Variants in TBK1 observed in about 807,000 individuals in gnomAD.
TBK1 encodes the protein TANK binding kinase 1.
In TBK1, 37 loss-of-function variants were observed where a neutral mutation model predicts 99.9. The observed-to-expected ratio is 0.37, with a 90% CI of 0.28 to 0.49. The LOEUF (loss-of-function observed/expected upper bound fraction) is 0.49, where lower values mean the gene tolerates loss of function less well. Among genes scored for constraint, TBK1 ranks in the 20% least tolerant of loss-of-function variants. The probability of loss-of-function intolerance (pLI) is 0.98; values close to 1 mark genes in which losing one functional copy is unlikely to be tolerated. For synonymous variants in TBK1, 258 were observed against 279.8 expected (o/e 0.92, Z 0.78); for missense variants, 644 against 872.5 (o/e 0.74, Z 3.30).
rs71092971 is a variant in TBK1, at chr12:64,484,010, TACAC to T, written c.993-257_993-254del. ...CAACAGAGCGAAACTCTGTCTCACATACACACACACACACACACACACACACACA... is the reference window on the plus strand; with the variant it reads ...CAACAGAGCGAAACTCTGTCTCACATACACACACACACACACACACACACA... On this transcript the variant is annotated intron_variant, in intron 8 of 20. Coordinates refer to ENST00000331710, the MANE Select transcript of TBK1 (RefSeq NM_013254.4). The T allele has an allele frequency of 0.028, 4,366 of 155,122 alleles. 165 individuals carry two copies. Among genetic ancestry groups the T allele is most frequent in the African/African-American group, 0.096 (3,706 of 38,638 alleles). The allele number at this position is 155,122 out of a possible 1,614,324, so 9.6% of individuals were successfully genotyped here. A position where few individuals can be genotyped will look rare whatever the true frequency, so the allele number is the denominator to read the frequency against.
Position 64,501,411 on chromosome 12 carries a change from C to T in TBK1, c.*30C>T, listed in dbSNP as rs1419934044. 26 of 1,608,978 alleles carry T rather than the reference C, an allele frequency of 1.6e-5. No homozygotes were observed. In the East Asian group the frequency reaches 1.8e-4, roughly 11 times the overall value. ...CTAATAGAAGTTTAAGAAAAGTTTC[C>T]GTTTGCACAAGAAAATAACGCTTGG... On this transcript the variant is annotated 3_prime_UTR_variant, in exon 21 of 21. Transcript: ENST00000331710.
At chr12:64,454,991 CTTTTTTTTTTTTTT>C in intron 1 of TBK1, among the ~76,000 whole-genome samples, 1 of 107,544 alleles carries the variant, frequency 9.3e-6, no homozygotes, top group East Asian at 2.7e-4. Context: ...TTTTTTTTTT[CTTTTTTTTTTTTTT>C]GCGATGGAGT....
At chr12:64,482,665 G>C (rs1018514590) in intron 8 of TBK1, among the ~76,000 whole-genome samples, 1 of 152,152 alleles carries the variant, frequency 6.6e-6, no homozygotes, top group Non-Finnish European at 1.5e-5. Flanking sequence ...GACATGTTCA[G>C]ATATACAAAT....
chr12:64,456,105 T>A, intron 2 of TBK1, 148 bp downstream of exon 2: 1 of 649,332 alleles, frequency 1.5e-6, no homozygotes, highest in Non-Finnish European at 2.6e-6. Flanking sequence ...ATTTAAGGCA[T>A]AGCTGTGTCA....
intron 11 of TBK1, among the ~76,000 whole-genome samples, chr12:64,486,506 A>G (rs1302888555): frequency 1.3e-5 from 2 of 151,454 alleles, no homozygotes; most frequent in Non-Finnish European, 2.9e-5. Flanking sequence ...ACAATCACAG[A>G]TCACTGCAGC....
At position 64,468,362 on chromosome 12, in the gene TBK1, G is replaced by A. The variant is rs558435166; in HGVS notation, c.540+1280G>A. Among the ~76,000 whole-genome samples the A allele has an allele frequency of 6.6e-5, 10 of 152,082 alleles. No individual in the cohort carries two copies. In the East Asian group the frequency reaches 7.8e-4, roughly 12 times the overall value. On this transcript the variant is annotated intron_variant, in intron 5 of 20. Coordinates refer to ENST00000331710, the MANE Select transcript of TBK1 (RefSeq NM_013254.4). ...ACAAAAATTAGCTGGGTGTGGTGGC[G>A]TGTGCCTGTAATCTCAGCTACTTTG...
rs1043545690 is a variant in TBK1, at chr12:64,501,431, G to A, written c.*50G>A. 3.2e-6 allele frequency: 5 copies of A among 1,578,942 alleles called. No homozygotes were observed. The highest frequency in any genetic ancestry group is 1.7e-5 in the Admixed American group (1 of 57,638). ...GTTTCCGTTTGCACAAGAAAATAACGCTTGGGCATTAAATGAATGCCTTTA... is the reference window on the plus strand; with the variant it reads ...GTTTCCGTTTGCACAAGAAAATAACACTTGGGCATTAAATGAATGCCTTTA... On this transcript the variant is annotated 3_prime_UTR_variant, in exon 21 of 21. Coordinates refer to ENST00000331710, the MANE Select transcript of TBK1 (RefSeq NM_013254.4).
chr12:64,501,439 A>T lies in TBK1; in HGVS notation c.*58A>T. ...TTGCACAAGAAAATAACGCTTGGGC[A>T]TTAAATGAATGCCTTTATAGATAGT... is the stretch of plus-strand genomic sequence containing the variant. On this transcript the variant is annotated 3_prime_UTR_variant, in exon 21 of 21. Transcript: ENST00000331710. 1 of 1,526,556 alleles carries T rather than the reference A, an allele frequency of 6.6e-7. No homozygotes were observed. The highest frequency in any genetic ancestry group is 9.0e-7 in the Non-Finnish European group (1 of 1,106,694). The allele number at this position is 1,526,556 out of a possible 1,614,324, so 94.6% of individuals were successfully genotyped here. A position where few individuals can be genotyped will look rare whatever the true frequency, so the allele number is the denominator to read the frequency against.
chr12:64,453,260 T>C (rs143868397), intron 1 of TBK1, among the ~76,000 whole-genome samples: 161 of 152,342 alleles, frequency 1.1e-3, no homozygotes, highest in African/African-American at 3.8e-3. Context: ...TGTATTTGCA[T>C]AGAGAACAGA....
chr12:64,477,351 A>C (rs770652541), intron 6 of TBK1, among the ~76,000 whole-genome samples: 1 of 152,010 alleles, frequency 6.6e-6, no homozygotes, highest in Non-Finnish European at 1.5e-5. Flanking sequence ...CAGCGGTGTT[A>C]GTTCTTGTAG....
chr12:64,498,217 A>G (rs2040949748), intron 20 of TBK1, among the ~76,000 whole-genome samples, 178 bp downstream of exon 20: 2 of 152,180 alleles, frequency 1.3e-5, no homozygotes, highest in South Asian at 2.1e-4. Context: ...GATTAGTTCC[A>G]TTTTATAGAA....
chr12:64,480,093 A>T lies in TBK1; in HGVS notation c.783A>T (p.Gly261=), dbSNP rs778485875. The change falls in exon 7 of 21, where the codon GGA becomes GGT. Residue 261 remains glycine (G), a synonymous_variant. Transcript: ENST00000331710. ...AAAATGGACCAATTGACTGGAGTGG[A>T]GACATGCCTGTTTCTTGCAGTCTTT... ...KAENGPIDWS[G]DMPVSCSLSR... The T allele has an allele frequency of 5.0e-6, 8 of 1,612,986 alleles. No individual in the cohort carries two copies. In the South Asian group the frequency reaches 7.7e-5, roughly 16 times the overall value.
rs764545722 is a variant in TBK1 at position 64,498,079 on chromosome 12, A to T, written c.2138+40A>T. On this transcript the variant is annotated intron_variant, in intron 20 of 20. Transcript: ENST00000331710. ...AATAATTACTGTGATTTTCTGTGCA[A>T]TTGAGTTCATTCACATCTGTACTTA... 3 of 1,514,720 alleles carry T rather than the reference A, an allele frequency of 2.0e-6. No homozygotes were observed. In the East Asian group the frequency reaches 6.8e-5, roughly 34 times the overall value. 93.8% of individuals were successfully genotyped at this position (1,514,720 alleles called of 1,614,324 possible). A position where few individuals can be genotyped will look rare whatever the true frequency, so the allele number is the denominator to read the frequency against.
chr12:64,466,506 TAAAG>T (rs1322772343), intron 4 of TBK1, among the ~76,000 whole-genome samples: 6 of 152,118 alleles, frequency 3.9e-5, no homozygotes, highest in Admixed American at 2.0e-4. Flanking sequence ...TTTCCCAAGA[TAAAG>T]AAATGTAAAA....
At chr12:64,482,834 C>T (rs2040780946) in intron 8 of TBK1, among the ~76,000 whole-genome samples, 1 of 152,196 alleles carries the variant, frequency 6.6e-6, no homozygotes, top group Non-Finnish European at 1.5e-5. Context: ...GTGATGTTCA[C>T]ACAATGATGC....
chr12:64,460,464 T>C (rs2040535414), intron 3 of TBK1, 135 bp downstream of exon 3: 1 of 569,676 alleles, frequency 1.8e-6, no homozygotes, highest in South Asian at 3.5e-5. Flanking sequence ...TCCTAAAGGA[T>C]TCTTGAATAT....
intron 15 of TBK1, among the ~76,000 whole-genome samples, chr12:64,496,139 T>G (rs1265692203): frequency 6.6e-6 from 1 of 152,156 alleles, no homozygotes; most frequent in Non-Finnish European, 1.5e-5. Flanking sequence ...ATACAGAATT[T>G]GTTAGAAATA....
At chr12:64,454,284 T>A (rs1015317929) in intron 1 of TBK1, among the ~76,000 whole-genome samples, 30 of 152,228 alleles carry the variant, frequency 2.0e-4, no homozygotes, top group African/African-American at 7.2e-4. Flanking sequence ...TCTCGCTCTG[T>A]CACCCTGGCT....
intron 11 of TBK1, among the ~76,000 whole-genome samples, chr12:64,487,181 T>C (rs749568452): frequency 2.0e-5 from 3 of 152,200 alleles, no homozygotes; most frequent in South Asian, 4.1e-4. Flanking sequence ...AAATGGAAAA[T>C]ACATTATCTC....
Sources: gnomAD v4.1 joint callset for allele counts (sites outside exome capture counted in the v4.1 genomes callset) on GRCh38, gnomAD v4.1.1 for gene constraint, MANE v1.5 for transcripts, NCBI Gene and HGNC (gene_info 2026-07-23, HGNC 2026-07-21) for gene names.